The following HHAT variants were observed in gnomAD, a reference collection of about 807,000 sequenced individuals.
HHAT encodes hedgehog acyltransferase.
HHAT carries 47 observed loss-of-function variants against 70.8 expected under a neutral mutation model. The ratio of observed to expected loss-of-function variants is 0.66; its 90% CI spans 0.53 to 0.85. The LOEUF (loss-of-function observed/expected upper bound fraction) is 0.85. Ranked by LOEUF, HHAT falls within the 40% of genes least tolerant of loss-of-function variation. The probability of loss-of-function intolerance (pLI) is 0.00; values close to 1 mark genes in which losing one functional copy is unlikely to be tolerated. For missense variants in HHAT, 609 were observed against 604.8 expected, an observed-to-expected ratio of 1.01 and a Z score of -0.07; for synonymous variants, 228 against 247.6, an observed-to-expected ratio of 0.92 and a Z score of 0.74.
At chr1:210,545,808 T>C (rs570478889) in intron 9 of HHAT, among the ~76,000 whole-genome samples, 11 of 152,306 alleles carry the variant, frequency 7.2e-5, no homozygotes, top group Non-Finnish European at 1.2e-4. Flanking sequence ...CTGAATAGTA[T>C]GTTTTATCTC....
At chr1:210,447,094 C>T (rs909779268) in intron 7 of HHAT, among the ~76,000 whole-genome samples, 1 of 152,188 alleles carries the variant, frequency 6.6e-6, no homozygotes, top group Non-Finnish European at 1.5e-5. Flanking sequence ...CATTTGGGGT[C>T]TGAAGATCTG....
intron 7 of HHAT, among the ~76,000 whole-genome samples, chr1:210,443,585 GTAT>G (rs1457899893): frequency 1.8e-5 from 1 of 56,356 alleles, no homozygotes; most frequent in Non-Finnish European, 3.6e-5. Flanking sequence ...GGATTCCTAG[GTAT>G]TTTATTCTCT....
At chr1:210,386,226 T>TTTTC (rs1215466340) in intron 3 of HHAT, among the ~76,000 whole-genome samples, 2,161 of 102,736 alleles carry the variant, frequency 0.021, 226 homozygotes, top group African/African-American at 0.069. Context: ...CCTTTTCTTT[T>TTTTC]TTTCTTTTTT....
intron 9 of HHAT, 47 bp downstream of exon 9, chr1:210,513,235 T>C (rs756332482): frequency 5.5e-6 from 5 of 916,582 alleles, no homozygotes; most frequent in Non-Finnish European, 5.3e-6. Context: ...AACATGTCTA[T>C]TATGAAAGAT....
At chr1:210,584,619 C>G (rs1262517133) in intron 9 of HHAT, among the ~76,000 whole-genome samples, 1 of 152,112 alleles carries the variant, frequency 6.6e-6, no homozygotes, top group African/African-American at 2.4e-5. Context: ...GTCATCCAAC[C>G]CCTCGTTTGT....
Position 210,334,786 on chromosome 1 carries a change from A to C in HHAT, c.-44+5682A>C, listed in dbSNP as rs55792645. On this transcript the variant is annotated intron_variant, in intron 1 of 11. Coordinates refer to ENST00000261458, the MANE Select transcript of HHAT (RefSeq NM_018194.6). The stretch of plus-strand genomic sequence containing the variant: ...AATGAACTACTATCACATATCCCAC[A>C]GACAGAAGCTCTTAAGATGTTATGA... Among the ~76,000 whole-genome samples, 1,307 of 152,080 alleles carry C rather than the reference A, an allele frequency of 8.6e-3. 14 individuals are homozygous for C. Among genetic ancestry groups the C allele is most frequent in the African/African-American group, 0.028 (1,178 of 41,500 alleles).
intron 11 of HHAT, among the ~76,000 whole-genome samples, chr1:210,655,464 G>A (rs887654093): frequency 1.6e-4 from 25 of 152,292 alleles, no homozygotes; most frequent in Middle Eastern, 3.4e-3. Flanking sequence ...CCTGCAAAGT[G>A]TAGGAAATTT....
intron 11 of HHAT, among the ~76,000 whole-genome samples, chr1:210,669,507 C>T (rs905635746): frequency 6.6e-6 from 1 of 152,190 alleles, no homozygotes; most frequent in Non-Finnish European, 1.5e-5. Flanking sequence ...ATCTATTGTG[C>T]CATACATCCT....
chr1:210,540,243 C>T (rs2095414083), intron 9 of HHAT, among the ~76,000 whole-genome samples: 1 of 152,152 alleles, frequency 6.6e-6, no homozygotes, highest in South Asian at 2.1e-4. Context: ...ATCCTGTAAT[C>T]TGACATAAAA....
At chr1:210,385,898 A>G (rs1318671557) in intron 3 of HHAT, among the ~76,000 whole-genome samples, 1 of 152,212 alleles carries the variant, frequency 6.6e-6, no homozygotes, top group East Asian at 1.9e-4. Context: ...TCATATGAAG[A>G]AACAGAACAG....
At chr1:210,369,988 C>G (rs1443485469) in intron 3 of HHAT, among the ~76,000 whole-genome samples, 1 of 151,946 alleles carries the variant, frequency 6.6e-6, no homozygotes, top group African/African-American at 2.4e-5. Flanking sequence ...GCCATTTGTT[C>G]TGTGGACTCT....
chr1:210,580,739 G>A (rs1357761561), intron 9 of HHAT, among the ~76,000 whole-genome samples: 1 of 151,886 alleles, frequency 6.6e-6, no homozygotes, highest in Non-Finnish European at 1.5e-5. Flanking sequence ...TGGGCATTTG[G>A]GTTGGTTCCA....
At chr1:210,381,203 G>T (rs1170193949) in intron 3 of HHAT, among the ~76,000 whole-genome samples, 1 of 151,924 alleles carries the variant, frequency 6.6e-6, no homozygotes, top group Admixed American at 6.6e-5. Context: ...TTGACTATAT[G>T]AAGCAGCATA....
chr1:210,650,241 A>C (rs1464181461), intron 11 of HHAT, among the ~76,000 whole-genome samples: 1 of 152,210 alleles, frequency 6.6e-6, no homozygotes, highest in Non-Finnish European at 1.5e-5. Flanking sequence ...GTAGGGATTG[A>C]TAATCCTGGT....
intron 7 of HHAT, among the ~76,000 whole-genome samples, chr1:210,425,864 T>C (rs147910291): frequency 7.9e-4 from 121 of 152,306 alleles, no homozygotes; most frequent in African/African-American, 2.6e-3. Flanking sequence ...ATAATTTTTT[T>C]CTAGTTCTGT....
At chr1:210,545,993 A>G (rs1327110248) in intron 9 of HHAT, among the ~76,000 whole-genome samples, 1 of 152,212 alleles carries the variant, frequency 6.6e-6, no homozygotes, top group Non-Finnish European at 1.5e-5. Context: ...GTTGAAGATC[A>G]TGAGGAAGGG....
intron 6 of HHAT, among the ~76,000 whole-genome samples, chr1:210,416,070 A>G (rs75379627): frequency 1.3e-5 from 2 of 152,360 alleles, no homozygotes; most frequent in East Asian, 3.9e-4. Context: ...CAATGAGCCG[A>G]CCAAAATTTC....
intron 11 of HHAT, among the ~76,000 whole-genome samples, chr1:210,645,864 C>T: frequency 6.6e-6 from 1 of 152,128 alleles, no homozygotes; most frequent in Non-Finnish European, 1.5e-5. Flanking sequence ...AGCTCACTCT[C>T]TTTCAGGGTT....
chr1:210,480,181 A>G (rs1161062348), intron 8 of HHAT, among the ~76,000 whole-genome samples: 1 of 152,172 alleles, frequency 6.6e-6, no homozygotes, highest in African/African-American at 2.4e-5. Flanking sequence ...AACAAGGTGT[A>G]GTCACCCTCC....
Sources: gnomAD v4.1 joint callset for allele counts (sites outside exome capture counted in the v4.1 genomes callset) on GRCh38, gnomAD v4.1.1 for gene constraint, MANE v1.5 for transcripts, NCBI Gene and HGNC (gene_info 2026-07-23, HGNC 2026-07-21) for gene names.